The following MMADHC variants were observed in gnomAD, a reference collection of about 807,000 sequenced individuals.
MMADHC encodes the protein metabolism of cobalamin associated D.
In MMADHC, 23 loss-of-function variants were observed where a neutral mutation model predicts 36.3. The observed-to-expected ratio is 0.63, with a 90% CI of 0.46 to 0.90. The LOEUF is 0.90. Ranked by LOEUF, MMADHC falls within the 40% of genes least tolerant of loss-of-function variation. The pLI is 0.00. For missense variants in MMADHC, 330 were observed against 348.0 expected (o/e 0.95, Z 0.41); for synonymous variants, 97 against 116.1 (o/e 0.84, Z 1.06).
chr2:149,577,274 T>TA (rs910498757), intron 4 of MMADHC, among the ~76,000 whole-genome samples: 8 of 152,180 alleles, frequency 5.3e-5, no homozygotes, highest in African/African-American at 1.9e-4. Flanking sequence ...GTCTGACAGG[T>TA]AAAAAATAGC....
At chr2:149,584,443 T>C (rs1682834379) in intron 2 of MMADHC, among the ~76,000 whole-genome samples, 1 of 152,170 alleles carries the variant, frequency 6.6e-6, no homozygotes, top group Admixed American at 6.5e-5. Context: ...TCTGCGATCA[T>C]TCACATCGTT....
In MMADHC at chr2:149,582,282, C is replaced by G; in HGVS notation, c.10-11G>C. ...TCTGTTACAAAGCACCTAGAAATGA[C>G]ACAAAATTAAAACTATTTGTTCTGA... is the stretch of plus-strand genomic sequence containing the variant. On this transcript the variant is annotated splice_polypyrimidine_tract_variant and intron_variant, in intron 2 of 7. Coordinates refer to ENST00000303319, the MANE Select transcript of MMADHC (RefSeq NM_015702.3). 6.2e-7 allele frequency: 1 copy of G among 1,613,058 alleles called. No individual in the cohort carries two copies. Among genetic ancestry groups the G allele is most frequent in the Non-Finnish European group, 8.5e-7 (1 of 1,179,346 alleles).
intron 6 of MMADHC, among the ~76,000 whole-genome samples, chr2:149,574,103 T>C (rs188712092): frequency 6.7e-4 from 102 of 152,298 alleles, no homozygotes; most frequent in Middle Eastern, 3.4e-3. Flanking sequence ...ATGAAGCACG[T>C]TGCCATTCAA....
At chr2:149,575,941 T>A in intron 5 of MMADHC, 100 bp from the exon 6 acceptor site, 2 of 927,754 alleles carry the variant, frequency 2.2e-6, no homozygotes, top group Non-Finnish European at 3.3e-6. Flanking sequence ...AAATGCTGAT[T>A]AAGTAAAATT....
intron 1 of MMADHC, 50 bp from the exon 2 acceptor site, chr2:149,587,199 A>C: frequency 1.8e-6 from 2 of 1,137,508 alleles, no homozygotes; most frequent in Non-Finnish European, 2.7e-6. Context: ...AACTCTAACA[A>C]CAGACAACTG....
chr2:149,584,675 C>T (rs1289918050), intron 2 of MMADHC, among the ~76,000 whole-genome samples: 1 of 152,064 alleles, frequency 6.6e-6, no homozygotes, highest in Admixed American at 6.6e-5. Context: ...CAAAATAAAC[C>T]AGTATCTAAA....
intron 2 of MMADHC, 111 bp downstream of exon 2, chr2:149,586,978 A>G: frequency 8.9e-7 from 1 of 1,126,098 alleles, no homozygotes; most frequent in Non-Finnish European, 1.4e-6. Flanking sequence ...TTTTTGATAC[A>G]TTATATCTAA....
At chr2:149,581,047 A>G (rs1476385706) in intron 3 of MMADHC, among the ~76,000 whole-genome samples, 1 of 152,208 alleles carries the variant, frequency 6.6e-6, no homozygotes. Context: ...GATGGTTTTT[A>G]AAAGTCTAAC....
chr2:149,574,023 T>C (rs1231991103), intron 6 of MMADHC, among the ~76,000 whole-genome samples: 1 of 151,994 alleles, frequency 6.6e-6, no homozygotes, highest in Non-Finnish European at 1.5e-5. Flanking sequence ...TGAAGAAATC[T>C]TTAAAAAAAA....
intron 2 of MMADHC, among the ~76,000 whole-genome samples, chr2:149,582,488 A>G (rs1384437003): frequency 1.3e-5 from 2 of 152,182 alleles, no homozygotes; most frequent in Non-Finnish European, 2.9e-5. Context: ...GTTTGGGTAA[A>G]AGCCTATGTA....
intron 2 of MMADHC, 95 bp downstream of exon 2, chr2:149,586,994 T>TACC: frequency 8.0e-7 from 1 of 1,244,220 alleles, no homozygotes; most frequent in Non-Finnish European, 1.2e-6. Context: ...TCTAACACTA[T>TACC]ACCACCCAAT....
At chr2:149,575,968 AT>A in intron 5 of MMADHC, 127 bp from the exon 6 acceptor site, 1 of 707,282 alleles carries the variant, frequency 1.4e-6, no homozygotes. Flanking sequence ...GTATTAGTTA[AT>A]TTTTATAAAT....
intron 6 of MMADHC, 23 bp downstream of exon 6, chr2:149,575,688 T>G: frequency 6.4e-7 from 1 of 1,561,670 alleles, no homozygotes. Flanking sequence ...TAAAATTAAA[T>G]TATTAGCAAT....
intron 2 of MMADHC, among the ~76,000 whole-genome samples, chr2:149,583,368 A>C (rs1392126886): frequency 2.0e-5 from 3 of 152,182 alleles, no homozygotes; most frequent in African/African-American, 4.8e-5. Flanking sequence ...CATATTTCAA[A>C]GAGTGACAAA....
chr2:149,570,844 T>G (rs1682627579), intron 7 of MMADHC, among the ~76,000 whole-genome samples: 1 of 152,138 alleles, frequency 6.6e-6, no homozygotes. Flanking sequence ...TAATATCTAC[T>G]AGTGAGAGCA....
At chr2:149,585,555 C>G (rs1223199606) in intron 2 of MMADHC, among the ~76,000 whole-genome samples, 1 of 152,202 alleles carries the variant, frequency 6.6e-6, no homozygotes, top group African/African-American at 2.4e-5. Flanking sequence ...TTCTTGAAAA[C>G]TCAGAAGATC....
At chr2:149,579,394 A>G (rs764426191) in intron 4 of MMADHC, 37 bp downstream of exon 4, 1 of 1,554,118 alleles carries the variant, frequency 6.4e-7, no homozygotes, top group Non-Finnish European at 8.9e-7. Flanking sequence ...TAGCATTAAT[A>G]ATCAGGAAAG....
At chr2:149,583,395 A>G (rs1466874082) in intron 2 of MMADHC, among the ~76,000 whole-genome samples, 3 of 152,192 alleles carry the variant, frequency 2.0e-5, no homozygotes, top group Admixed American at 6.5e-5. Context: ...GAGGGTAGGT[A>G]TAAGAATGCA....
chr2:149,575,988 T>C (rs1250123831), intron 5 of MMADHC, 147 bp from the exon 6 acceptor site: 2 of 674,922 alleles, frequency 3.0e-6, no homozygotes, highest in Non-Finnish European at 4.9e-6. Context: ...ATGTATGTTA[T>C]TTTTGAAAAG....
Sources: gnomAD v4.1 joint callset for allele counts (sites outside exome capture counted in the v4.1 genomes callset) on GRCh38, gnomAD v4.1.1 for gene constraint, MANE v1.5 for transcripts, NCBI Gene and HGNC (gene_info 2026-07-23, HGNC 2026-07-21) for gene names.